PTPRM: variants seen among roughly 807,000 people sequenced by gnomAD.
PTPRM encodes receptor-type tyrosine-protein phosphatase mu.
Under a neutral mutation model 186.7 loss-of-function variants are expected in PTPRM, and 47 were observed. That is an observed-to-expected ratio of 0.25 (90% CI 0.20 to 0.32). PTPRM has a LOEUF of 0.32. Among genes scored for constraint, PTPRM ranks in the 10% least tolerant of loss-of-function variants. The pLI, the probability that PTPRM is intolerant of heterozygous loss-of-function variation, is 1.00. For synonymous variants in PTPRM, 668 were observed against 674.9 expected, an observed-to-expected ratio of 0.99 and a Z score of 0.16; for missense variants, 1,494 against 1,865.0, an observed-to-expected ratio of 0.80 and a Z score of 3.66.
At chr18:8,088,520 A>G (rs368657755) in intron 10 of PTPRM, among the ~76,000 whole-genome samples, 23 of 152,176 alleles carry the variant, frequency 1.5e-4, no homozygotes, top group African/African-American at 5.3e-4. Context: ...CCCTCATACC[A>G]TCTCCCAACT....
At chr18:7,733,787 A>G (rs1421787551) in intron 1 of PTPRM, among the ~76,000 whole-genome samples, 2 of 152,322 alleles carry the variant, frequency 1.3e-5, no homozygotes, top group African/African-American at 2.4e-5. Context: ...CCTCCCCTGC[A>G]TAAGGCACAA....
intron 19 of PTPRM, among the ~76,000 whole-genome samples, chr18:8,274,597 AT>A (rs5822998): frequency 0.055 from 8,328 of 152,228 alleles, 310 homozygotes; most frequent in African/African-American, 0.099. Flanking sequence ...TTGGAAGGCC[AT>A]TTTTCAGAAT....
At chr18:8,152,240 A>G (rs938542449) in intron 14 of PTPRM, among the ~76,000 whole-genome samples, 6 of 152,200 alleles carry the variant, frequency 3.9e-5, no homozygotes, top group Admixed American at 2.6e-4. Context: ...AGTCATCAAC[A>G]TTTCTGGAGC....
At chr18:8,262,276 T>A (rs1463536694) in intron 19 of PTPRM, among the ~76,000 whole-genome samples, 1 of 152,210 alleles carries the variant, frequency 6.6e-6, no homozygotes, top group Admixed American at 6.5e-5. Flanking sequence ...CCTTCAAATC[T>A]GTTCCAGACT....
chr18:8,282,776 A>T (rs967665507), intron 19 of PTPRM, among the ~76,000 whole-genome samples: 3 of 152,196 alleles, frequency 2.0e-5, no homozygotes, highest in East Asian at 3.8e-4. Flanking sequence ...AAAACTCTGT[A>T]AATAAATATC....
At chr18:8,195,440 C>T (rs1385934858) in intron 14 of PTPRM, among the ~76,000 whole-genome samples, 4 of 152,060 alleles carry the variant, frequency 2.6e-5, no homozygotes, top group Non-Finnish European at 5.9e-5. Context: ...GTTATCTACC[C>T]AAAGGAAAAG....
chr18:8,339,299 GGAATGTATT>G (rs1418390916), intron 22 of PTPRM, among the ~76,000 whole-genome samples: 1 of 151,974 alleles, frequency 6.6e-6, no homozygotes, highest in Admixed American at 6.5e-5. Flanking sequence ...TGGAGGAGAC[GGAATGTATT>G]ACTGGCCTGA....
At chr18:7,867,044 T>C (rs2047741277) in intron 2 of PTPRM, among the ~76,000 whole-genome samples, 1 of 152,212 alleles carries the variant, frequency 6.6e-6, no homozygotes, top group Non-Finnish European at 1.5e-5. Context: ...GCTTTCCTTT[T>C]ACTTGGAAAA....
chr18:7,706,989 A>G (rs992588103), intron 1 of PTPRM, among the ~76,000 whole-genome samples: 2 of 152,134 alleles, frequency 1.3e-5, no homozygotes, highest in African/African-American at 2.4e-5. Flanking sequence ...GGGTGTGGAC[A>G]TGAAACAAAT....
At chr18:7,942,793 GTC>G (rs2052271019) in intron 5 of PTPRM, among the ~76,000 whole-genome samples, 1 of 151,984 alleles carries the variant, frequency 6.6e-6, no homozygotes, top group Non-Finnish European at 1.5e-5. Context: ...GGAGGGTGAG[GTC>G]TCTCTCCTCC....
chr18:8,369,864 C>T (rs577616130), intron 23 of PTPRM, among the ~76,000 whole-genome samples: 1 of 152,134 alleles, frequency 6.6e-6, no homozygotes, highest in East Asian at 1.9e-4. Context: ...GAGGGAAGAT[C>T]GCTTGAGCCC....
chr18:8,389,420 C>A (rs546419109), intron 31 of PTPRM, among the ~76,000 whole-genome samples: 1 of 152,230 alleles, frequency 6.6e-6, no homozygotes, highest in Non-Finnish European at 1.5e-5. Context: ...ACAGAACTAA[C>A]CAGTGACATT....
At chr18:7,778,668 C>T (rs28469138) in intron 2 of PTPRM, among the ~76,000 whole-genome samples, 2,407 of 151,988 alleles carry the variant, frequency 0.016, 41 homozygotes, top group African/African-American at 0.049. Context: ...TTAGTAGAGA[C>T]GAGGTTTCAC....
At position 7,692,466 on chromosome 18, in the gene PTPRM, A is replaced by G. The variant is rs1388503256; in HGVS notation, c.74-81683A>G. 2.6e-5 allele frequency among the ~76,000 whole-genome samples: 4 copies of G among 152,340 alleles called. No homozygotes were observed. The East Asian group carries it at 7.7e-4, about 29-fold the overall frequency. On this transcript the variant is annotated intron_variant, in intron 1 of 32. Transcript: ENST00000580170. ...ACTGCTCTCCCGCCTGGGTGACAGT[A>G]TGAAACCTTTCTTAAAAAACTGGGT... is the stretch of plus-strand genomic sequence containing the variant.
At chr18:8,163,179 C>A (rs2093262767) in intron 14 of PTPRM, among the ~76,000 whole-genome samples, 1 of 152,208 alleles carries the variant, frequency 6.6e-6, no homozygotes, top group Non-Finnish European at 1.5e-5. Context: ...TGTGCTGGTG[C>A]CTGGACTTAA....
At chr18:8,214,686 T>TGGAGCCTC (rs1436815266) in intron 14 of PTPRM, among the ~76,000 whole-genome samples, 2 of 152,180 alleles carry the variant, frequency 1.3e-5, no homozygotes, top group Non-Finnish European at 2.9e-5. Flanking sequence ...TATTTTGAGA[T>TGGAGCCTC]GGAGCCTCTC....
At chr18:7,690,196 G>A (rs1014147594) in intron 1 of PTPRM, among the ~76,000 whole-genome samples, 6 of 152,182 alleles carry the variant, frequency 3.9e-5, no homozygotes, top group African/African-American at 1.4e-4. Flanking sequence ...GTCTAGAAGA[G>A]CACATGTAAA....
At chr18:8,165,580 G>A (rs796628367) in intron 14 of PTPRM, among the ~76,000 whole-genome samples, 4 of 152,250 alleles carry the variant, frequency 2.6e-5, no homozygotes, top group African/African-American at 9.6e-5. Flanking sequence ...AGCGTGTACC[G>A]CCAAAACACT....
chr18:8,289,423 C>T lies in PTPRM; in HGVS notation c.2755-6945C>T, dbSNP rs1012447124. Among the ~76,000 whole-genome samples, 132 of 103,806 alleles carry T rather than the reference C, an allele frequency of 1.3e-3. 1 individual carries two copies. Among genetic ancestry groups the T allele is most frequent in the East Asian group, 1.8e-3 (7 of 3,856 alleles). 68.1% of individuals were successfully genotyped at this position (103,806 alleles called of 152,430 possible). ...GTATATATATATATACACATATATA[C>T]GTATATATATGTATATATACGTATA... On this transcript the variant is annotated intron_variant, in intron 19 of 32. Coordinates refer to ENST00000580170, the MANE Select transcript of PTPRM (RefSeq NM_001105244.2).
Sources: allele counts gnomAD v4.1 joint callset (sites outside exome capture counted in the v4.1 genomes callset), GRCh38; gene constraint gnomAD v4.1.1; transcripts MANE v1.5; gene names NCBI Gene and HGNC (gene_info 2026-07-23, HGNC 2026-07-21).